Variants in LRRTM4 observed in about 807,000 individuals in gnomAD.
LRRTM4 encodes the protein leucine-rich repeat transmembrane neuronal protein 4.
Under a neutral mutation model 47.6 loss-of-function variants are expected in LRRTM4, and 25 were observed. The observed-to-expected ratio is 0.53, with a 90% CI of 0.38 to 0.73. The LOEUF (loss-of-function observed/expected upper bound fraction) is 0.73, where lower values mean the gene tolerates loss of function less well. Among genes scored for constraint, LRRTM4 ranks in the 30% least tolerant of loss-of-function variants. The pLI, the probability that LRRTM4 is intolerant of heterozygous loss-of-function variation, is 0.00. For synonymous variants in LRRTM4, 311 were observed against 269.5 expected (o/e 1.15, Z -1.51); for missense variants, 638 against 713.4 (o/e 0.89, Z 1.20).
intron 3 of LRRTM4, among the ~76,000 whole-genome samples, chr2:77,378,829 G>C (rs1368821377): frequency 6.6e-6 from 1 of 152,106 alleles, no homozygotes; most frequent in Non-Finnish European, 1.5e-5. Context: ...TAAATATTGA[G>C]CAAATGAGGC....
At chr2:77,201,021 G>A (rs1252699493) in intron 3 of LRRTM4, among the ~76,000 whole-genome samples, 1 of 152,114 alleles carries the variant, frequency 6.6e-6, no homozygotes, top group Non-Finnish European at 1.5e-5. Context: ...ACGTAAGCCA[G>A]TTATGGTGTA....
intron 3 of LRRTM4, among the ~76,000 whole-genome samples, chr2:77,172,822 AT>A (rs202164029): frequency 0.012 from 1,813 of 152,298 alleles, 36 homozygotes; most frequent in African/African-American, 0.042. Context: ...ATCACTGAGA[AT>A]AAGTGGGGTT....
intron 3 of LRRTM4, among the ~76,000 whole-genome samples, chr2:77,410,475 T>C (rs1298654666): frequency 2.6e-5 from 4 of 152,146 alleles, no homozygotes; most frequent in Non-Finnish European, 5.9e-5. Context: ...TGTAACACCA[T>C]AGGAAGCACC....
intron 3 of LRRTM4, among the ~76,000 whole-genome samples, chr2:77,445,965 C>A (rs1004943554): frequency 1.2e-4 from 18 of 152,012 alleles, no homozygotes; most frequent in African/African-American, 4.3e-4. Flanking sequence ...GTATCATTAA[C>A]TTTATTTTCC....
chr2:77,202,374 C>T (rs1674001230), intron 3 of LRRTM4, among the ~76,000 whole-genome samples: 1 of 152,030 alleles, frequency 6.6e-6, no homozygotes, highest in Non-Finnish European at 1.5e-5. Context: ...TCTGAAAAAA[C>T]TCCTAATGTA....
intron 3 of LRRTM4, among the ~76,000 whole-genome samples, chr2:77,438,747 C>A (rs1251253148): frequency 6.6e-6 from 1 of 152,094 alleles, no homozygotes; most frequent in Non-Finnish European, 1.5e-5. Context: ...AAATTCTTTT[C>A]AGAAAATAAG....
At chr2:77,295,035 A>G (rs926382333) in intron 3 of LRRTM4, among the ~76,000 whole-genome samples, 14 of 152,180 alleles carry the variant, frequency 9.2e-5, no homozygotes, top group African/African-American at 3.4e-4. Flanking sequence ...GTGAATCAAA[A>G]TCATCTCATT....
chr2:77,517,119 A>T, intron 3 of LRRTM4: 1 of 985,156 alleles, frequency 1.0e-6, no homozygotes, highest in Non-Finnish European at 1.2e-6. Context: ...ATAATGATCA[A>T]CATTACCAAG....
chr2:77,080,361 A>G (rs1680491058), intron 3 of LRRTM4, among the ~76,000 whole-genome samples: 1 of 152,124 alleles, frequency 6.6e-6, no homozygotes, highest in African/African-American at 2.4e-5. Context: ...CTCAGTCTGC[A>G]CACTCTCACT....
At chr2:77,243,525 C>T (rs2103995653) in intron 3 of LRRTM4, among the ~76,000 whole-genome samples, 1 of 148,086 alleles carries the variant, frequency 6.8e-6, no homozygotes, top group Middle Eastern at 3.5e-3. Flanking sequence ...ATGGTGGTTT[C>T]CGGCATCTGG....
chr2:76,875,006 A>G (rs371793925), intron 3 of LRRTM4, among the ~76,000 whole-genome samples: 1 of 152,036 alleles, frequency 6.6e-6, no homozygotes, highest in African/African-American at 2.4e-5. Flanking sequence ...GCCTGCCAAT[A>G]TCTCTGATCT....
intron 3 of LRRTM4, among the ~76,000 whole-genome samples, chr2:77,271,672 C>T (rs1377903702): frequency 6.6e-6 from 1 of 152,214 alleles, no homozygotes; most frequent in African/African-American, 2.4e-5. Context: ...GCTGTTCCCC[C>T]TCTAATTAAC....
In LRRTM4 at chr2:77,130,927, C is replaced by T. The variant is rs1250576791; in HGVS notation, c.1552-382011G>A. 1.8e-4 allele frequency among the ~76,000 whole-genome samples: 25 copies of T among 140,620 alleles called. No homozygotes were observed. In the South Asian group the frequency reaches 4.2e-3, roughly 24 times the overall value. The allele number at this position is 140,620 out of a possible 152,430, so 92.3% of individuals were successfully genotyped here. A position where few individuals can be genotyped will look rare whatever the true frequency, so the allele number is the denominator to read the frequency against. On this transcript the variant is annotated intron_variant, in intron 3 of 3. Coordinates refer to ENST00000409884, the MANE Select transcript of LRRTM4 (RefSeq NM_001134745.3). ...TTGGCTCACTGCAAGCTCCGCCTCCCGGGTTCACGCCATTCTCCTGCCTCA... is the reference window on the plus strand; with the variant it reads ...TTGGCTCACTGCAAGCTCCGCCTCCTGGGTTCACGCCATTCTCCTGCCTCA...
chr2:76,932,270 G>T (rs985484827), intron 3 of LRRTM4, among the ~76,000 whole-genome samples: 1 of 152,096 alleles, frequency 6.6e-6, no homozygotes, highest in South Asian at 2.1e-4. Flanking sequence ...TTGCTTATGT[G>T]TACCAAAAAC....
intron 3 of LRRTM4, among the ~76,000 whole-genome samples, chr2:77,003,400 C>A (rs1337199796): frequency 6.6e-6 from 1 of 152,012 alleles, no homozygotes; most frequent in Non-Finnish European, 1.5e-5. Context: ...ATAATCCCCA[C>A]GTGTTGTAGG....
intron 3 of LRRTM4, among the ~76,000 whole-genome samples, chr2:77,393,188 CTG>C (rs1468304489): frequency 1.3e-5 from 2 of 151,776 alleles, no homozygotes; most frequent in Non-Finnish European, 2.9e-5. Context: ...CTTAAAAGAA[CTG>C]TCAAATAGTG....
intron 3 of LRRTM4, among the ~76,000 whole-genome samples, chr2:77,457,020 A>G (rs1311173958): frequency 1.5e-4 from 5 of 32,578 alleles, no homozygotes; most frequent in East Asian, 1.1e-3. Context: ...ATATATATAT[A>G]TATATATATA....
At chr2:76,916,023 A>G (rs995383532) in intron 3 of LRRTM4, among the ~76,000 whole-genome samples, 4 of 152,144 alleles carry the variant, frequency 2.6e-5, no homozygotes, top group African/African-American at 9.7e-5. Context: ...AAACAGAGAA[A>G]TTTTCTCAAT....
chr2:77,368,676 G>A (rs1241216182), intron 3 of LRRTM4, among the ~76,000 whole-genome samples: 3 of 151,692 alleles, frequency 2.0e-5, no homozygotes, highest in African/African-American at 7.3e-5. Context: ...TGAAAATAAA[G>A]AAATTAATAA....
Sources: allele counts gnomAD v4.1 joint callset (sites outside exome capture counted in the v4.1 genomes callset), GRCh38; gene constraint gnomAD v4.1.1; transcripts MANE v1.5; gene names NCBI Gene and HGNC (gene_info 2026-07-23, HGNC 2026-07-21).